PPARGC1A: variants seen among roughly 807,000 people sequenced by gnomAD.
PPARGC1A encodes PPARG coactivator 1 alpha, also known as peroxisome proliferator-activated receptor gamma coactivator 1-alpha.
A neutral mutation model predicts 88.7 loss-of-function variants in PPARGC1A; 25 were observed. The ratio of observed to expected loss-of-function variants is 0.28; its 90% confidence interval spans 0.21 to 0.39. The LOEUF (loss-of-function observed/expected upper bound fraction) is 0.39. Among genes scored for constraint, PPARGC1A ranks in the 10% least tolerant of loss-of-function variants. The probability of loss-of-function intolerance (pLI) is 1.00; values close to 1 mark genes in which losing one functional copy is unlikely to be tolerated. For synonymous variants in PPARGC1A, 363 were observed against 355.6 expected (o/e 1.02, Z -0.24); for missense variants, 880 against 968.7 (o/e 0.91, Z 1.22).
the PPARGC1A span, among the ~76,000 whole-genome samples, chr4:24,179,479 G>C: frequency 6.6e-6 from 1 of 151,790 alleles, no homozygotes; most frequent in Non-Finnish European, 1.5e-5. Context: ...ACTCTTCCAT[G>C]TTCTCTCTCT....
chr4:24,459,774 G>C, the PPARGC1A span, among the ~76,000 whole-genome samples: 1 of 152,230 alleles, frequency 6.6e-6, no homozygotes, highest in Non-Finnish European at 1.5e-5. Flanking sequence ...ATGAGCGACA[G>C]AGCGAGACCC....
the PPARGC1A span, among the ~76,000 whole-genome samples, chr4:24,185,785 C>A: frequency 7.6e-6 from 1 of 131,390 alleles, no homozygotes; most frequent in African/African-American, 2.8e-5. Context: ...TATCCCTCCC[C>A]CCTCCCCCGA....
chr4:23,984,779 A>C, the PPARGC1A span, among the ~76,000 whole-genome samples: 1 of 152,104 alleles, frequency 6.6e-6, no homozygotes, highest in Admixed American at 6.6e-5. Flanking sequence ...TGAAGTGCAG[A>C]GAGTAGGAAT....
At chr4:24,205,654 G>A in the PPARGC1A span, among the ~76,000 whole-genome samples, 3 of 152,096 alleles carry the variant, frequency 2.0e-5, no homozygotes, top group South Asian at 4.2e-4. Context: ...CACACGCTCC[G>A]ATCTTATCCT....
the PPARGC1A span, among the ~76,000 whole-genome samples, chr4:24,462,404 T>C: frequency 6.6e-6 from 1 of 151,894 alleles, no homozygotes; most frequent in South Asian, 2.1e-4. Context: ...GCCAGCATGT[T>C]TTATTTGTCC....
chr4:24,197,730 A>G, the PPARGC1A span, among the ~76,000 whole-genome samples: 1 of 152,212 alleles, frequency 6.6e-6, no homozygotes, highest in Non-Finnish European at 1.5e-5. Flanking sequence ...AGAAAGTGCC[A>G]CAGAACCCAA....
Position 23,793,601 on chromosome 4 carries a change from C to CA in PPARGC1A, c.*2220dup, listed in dbSNP as rs1465044024. ...TGTCTTCCAGAAAAGTCATGTCAGCCAAACAGTAATCGAATCTCAATTTAG... is the reference window on the plus strand; with the variant it reads ...TGTCTTCCAGAAAAGTCATGTCAGCCAAAACAGTAATCGAATCTCAATTTAG... On this transcript the variant is annotated 3_prime_UTR_variant, in exon 13 of 13. Coordinates refer to ENST00000264867, the MANE Select transcript of PPARGC1A (RefSeq NM_013261.5). 1 of 152,200 alleles carries CA rather than the reference C, an allele frequency of 6.6e-6. No homozygotes were observed. 9.4% of individuals were successfully genotyped at this position (152,200 alleles called of 1,614,324 possible).
the PPARGC1A span, among the ~76,000 whole-genome samples, chr4:24,105,090 A>G: frequency 3.6e-3 from 545 of 152,314 alleles, 3 homozygotes; most frequent in Non-Finnish European, 6.4e-3. Flanking sequence ...TTTACATTGG[A>G]ACATGTTTCT....
the PPARGC1A span, among the ~76,000 whole-genome samples, chr4:24,288,954 G>A: frequency 6.6e-6 from 1 of 152,128 alleles, no homozygotes. Flanking sequence ...AGGTGTGGTG[G>A]CTCATGCCTG....
the PPARGC1A span, among the ~76,000 whole-genome samples, chr4:23,997,987 GATTC>G: frequency 6.6e-6 from 1 of 152,114 alleles, no homozygotes; most frequent in Non-Finnish European, 1.5e-5. Context: ...CATAATGTAG[GATTC>G]ATTAAGGAAC....
the PPARGC1A span, among the ~76,000 whole-genome samples, chr4:23,926,559 T>G: frequency 6.6e-6 from 1 of 152,206 alleles, no homozygotes; most frequent in Non-Finnish European, 1.5e-5. Flanking sequence ...AGGAAGGTCT[T>G]CTCTGAGCTG....
chr4:24,236,932 G>A, the PPARGC1A span, among the ~76,000 whole-genome samples: 30 of 152,248 alleles, frequency 2.0e-4, no homozygotes, highest in East Asian at 9.6e-4. Context: ...ATTAACATGC[G>A]CACTGAAAAC....
chr4:24,323,973 ATTCCT>A, the PPARGC1A span, among the ~76,000 whole-genome samples: 1 of 152,020 alleles, frequency 6.6e-6, no homozygotes, highest in Non-Finnish European at 1.5e-5. Context: ...CTTAATTTCA[ATTCCT>A]TTCATTTTCT....
At chr4:24,384,963 C>T in the PPARGC1A span, among the ~76,000 whole-genome samples, 1 of 152,178 alleles carries the variant, frequency 6.6e-6, no homozygotes, top group South Asian at 2.1e-4. Flanking sequence ...CCACATAGCA[C>T]TTATTCTACA....
At chr4:24,442,012 T>A in the PPARGC1A span, among the ~76,000 whole-genome samples, 70 of 152,340 alleles carry the variant, frequency 4.6e-4, no homozygotes, top group African/African-American at 1.7e-3. Context: ...GCAAAGATGT[T>A]TATATTCATT....
chr4:23,888,158 A>G (rs2970873), intron 1 of PPARGC1A, among the ~76,000 whole-genome samples: 130,310 of 152,232 alleles, frequency 0.86, 56,355 homozygotes, highest in African/African-American at 0.97. Flanking sequence ...AGCCGCTGCC[A>G]TGTAGGCAAA....
At chr4:23,941,855 A>G in the PPARGC1A span, among the ~76,000 whole-genome samples, 3 of 152,290 alleles carry the variant, frequency 2.0e-5, no homozygotes, top group Non-Finnish European at 4.4e-5. Context: ...ACCACATCCT[A>G]AAGAATGACT....
the PPARGC1A span, among the ~76,000 whole-genome samples, chr4:24,417,216 A>G: frequency 6.6e-6 from 1 of 152,184 alleles, no homozygotes; most frequent in Non-Finnish European, 1.5e-5. Flanking sequence ...GGAAGAAAAG[A>G]GTTTAAAGAG....
At chr4:24,070,917 G>A in the PPARGC1A span, among the ~76,000 whole-genome samples, 1 of 152,164 alleles carries the variant, frequency 6.6e-6, no homozygotes, top group Non-Finnish European at 1.5e-5. Context: ...TGACAGAGCT[G>A]AGTAGTTGCA....
Sources: allele counts gnomAD v4.1 joint callset (sites outside exome capture counted in the v4.1 genomes callset), GRCh38; gene constraint gnomAD v4.1.1; transcripts MANE v1.5; gene names NCBI Gene and HGNC (gene_info 2026-07-23, HGNC 2026-07-21).